Variants in UIMC1 observed in about 807,000 individuals in gnomAD.
UIMC1 encodes the protein BRCA1-A complex subunit RAP80.
UIMC1 carries 42 observed loss-of-function variants against 84.9 expected under a neutral mutation model. That is an observed-to-expected ratio of 0.49 (90% confidence interval 0.39 to 0.64). The LOEUF (loss-of-function observed/expected upper bound fraction) is 0.64, where lower values mean the gene tolerates loss of function less well. Among genes scored for constraint, UIMC1 ranks in the 30% least tolerant of loss-of-function variants. The probability of loss-of-function intolerance (pLI) is 0.00; values close to 1 mark genes in which losing one functional copy is unlikely to be tolerated. For synonymous variants in UIMC1, 281 were observed against 293.0 expected, an observed-to-expected ratio of 0.96 and a Z score of 0.42; for missense variants, 825 against 847.6, an observed-to-expected ratio of 0.97 and a Z score of 0.33.
At chr5:176,955,270 CCTAT>C (rs1766451986) in intron 8 of UIMC1, among the ~76,000 whole-genome samples, 1 of 152,092 alleles carries the variant, frequency 6.6e-6, no homozygotes. Flanking sequence ...AAACAAAGTA[CCTAT>C]CTTTTAATTT....
intron 7 of UIMC1, 59 bp from the exon 8 acceptor site, chr5:176,956,094 A>G: frequency 1.3e-6 from 2 of 1,546,192 alleles, no homozygotes; most frequent in Non-Finnish European, 1.8e-6. Context: ...ACATAGAGCC[A>G]AAAGCAATGG....
chr5:176,970,923 G>A, intron 3 of UIMC1, 57 bp from the exon 4 acceptor site: 1 of 1,582,686 alleles, frequency 6.3e-7, no homozygotes, highest in African/African-American at 1.4e-5. Context: ...AATAATCATG[G>A]AGGCAAGAAA....
At chr5:176,949,790 T>C (rs765317348) in intron 9 of UIMC1, among the ~76,000 whole-genome samples, 3 of 152,194 alleles carry the variant, frequency 2.0e-5, no homozygotes, top group Non-Finnish European at 4.4e-5. Context: ...CCGGGCACAG[T>C]GGCTCACGCC....
At chr5:177,011,982 A>G (rs1372233533) in intron 1 of UIMC1, among the ~76,000 whole-genome samples, 3 of 151,942 alleles carry the variant, frequency 2.0e-5, no homozygotes, top group Non-Finnish European at 4.4e-5. Context: ...TTGTATTTTT[A>G]GTAGAGATGG....
In UIMC1 at chr5:176,956,004, C is replaced by CT. The variant is rs1264258397; in HGVS notation, c.1293dup (p.Val432SerfsTer16). 6.2e-7 allele frequency: 1 copy of CT among 1,613,534 alleles called. No homozygotes were observed. The highest frequency in any genetic ancestry group is 1.3e-5 in the African/African-American group (1 of 74,900). Reference sequence around the variant, plus strand: ...TCTGCAGAACTCTCTGGCATAAGGACTAAGCTTCTCTTACTGGTCAAAGCA... The same window carrying CT: ...TCTGCAGAACTCTCTGGCATAAGGACTTAAGCTTCTCTTACTGGTCAAAGCA... On this transcript the variant is annotated frameshift_variant, in exon 8 of 15. Coordinates refer to ENST00000511320, the MANE Select transcript of UIMC1 (RefSeq NM_001199298.2). LOFTEE classifies it high-confidence loss of function.
chr5:176,937,762 C>T (rs1016586246), intron 10 of UIMC1, among the ~76,000 whole-genome samples: 1 of 152,146 alleles, frequency 6.6e-6, no homozygotes, highest in East Asian at 1.9e-4. Context: ...AAACCAAGCA[C>T]GTCTAGGATC....
chr5:176,996,486 CTT>C (rs1329922041), intron 1 of UIMC1, among the ~76,000 whole-genome samples: 1 of 152,184 alleles, frequency 6.6e-6, no homozygotes, highest in Non-Finnish European at 1.5e-5. Context: ...TGACAAATCT[CTT>C]CTCAAGAAAA....
intron 8 of UIMC1, 102 bp downstream of exon 8, chr5:176,955,857 C>G: frequency 9.0e-7 from 1 of 1,108,026 alleles, no homozygotes; most frequent in Non-Finnish European, 1.3e-6. Context: ...CAATTACATA[C>G]AAACCTCCAG....
chr5:176,911,451 A>G (rs1297888934), intron 10 of UIMC1, 62 bp from the exon 11 acceptor site: 2 of 1,219,476 alleles, frequency 1.6e-6, no homozygotes, highest in Admixed American at 3.2e-5. Context: ...TCTGAATATA[A>G]AAGACAAAAT....
At chr5:176,933,153 G>A (rs1390734085) in intron 10 of UIMC1, among the ~76,000 whole-genome samples, 2 of 152,134 alleles carry the variant, frequency 1.3e-5, no homozygotes, top group African/African-American at 4.8e-5. Context: ...AACAAACCCT[G>A]GAAAGCACCT....
intron 2 of UIMC1, among the ~76,000 whole-genome samples, chr5:176,976,932 T>C (rs1770169165): frequency 6.6e-6 from 1 of 152,058 alleles, no homozygotes; most frequent in African/African-American, 2.4e-5. Context: ...TGTTCTAAAA[T>C]TAACTGTGGG....
intron 10 of UIMC1, among the ~76,000 whole-genome samples, chr5:176,921,050 C>T (rs947237962): frequency 6.6e-6 from 1 of 152,118 alleles, no homozygotes; most frequent in Non-Finnish European, 1.5e-5. Context: ...TGGTTTTTGT[C>T]CTTTGTTCTA....
chr5:176,912,524 G>A (rs1760367767), intron 10 of UIMC1, among the ~76,000 whole-genome samples: 1 of 148,736 alleles, frequency 6.7e-6, no homozygotes, highest in Non-Finnish European at 1.5e-5. Context: ...TCAGGCTGGA[G>A]TGCAATGGAG....
chr5:176,986,791 G>C (rs922412106), intron 1 of UIMC1, among the ~76,000 whole-genome samples: 1 of 151,994 alleles, frequency 6.6e-6, no homozygotes, highest in African/African-American at 2.4e-5. Context: ...TTTAATCATT[G>C]AACATTATAC....
chr5:177,009,247 G>A (rs552462520), upstream of UIMC1, among the ~76,000 whole-genome samples: 15 of 151,888 alleles, frequency 9.9e-5, no homozygotes, highest in Non-Finnish European at 2.2e-4. The surrounding 1 kb of genome is among the most constrained non-coding windows in gnomAD (Gnocchi z 4.3). Context: ...GGGCACAAGT[G>A]ATCCTTCCGC....
At chr5:176,997,678 CT>C (rs1561915711) in intron 1 of UIMC1, among the ~76,000 whole-genome samples, 5 of 64,740 alleles carry the variant, frequency 7.7e-5, no homozygotes, top group African/African-American at 5.8e-4. Context: ...GAGCGAGACT[CT>C]GTCTCAAAAA....
intron 11 of UIMC1, 124 bp downstream of exon 11, chr5:176,911,187 A>T: frequency 1.6e-6 from 1 of 628,682 alleles, no homozygotes; most frequent in Non-Finnish European, 2.6e-6. Context: ...AAATTCAGGC[A>T]TCCAAGCAAT....
At chr5:176,994,980 G>A (rs187215210) in intron 1 of UIMC1, among the ~76,000 whole-genome samples, 226 of 152,188 alleles carry the variant, frequency 1.5e-3, no homozygotes, top group African/African-American at 5.3e-3. Flanking sequence ...AGTGTGCTGG[G>A]AGAGTATCTG....
At chr5:177,005,726 A>G (rs536986893) in intron 1 of UIMC1, among the ~76,000 whole-genome samples, 246 of 152,176 alleles carry the variant, frequency 1.6e-3, no homozygotes, top group African/African-American at 5.7e-3. Context: ...CAGGAAAACA[A>G]TAAAGACAGA....
Sources: allele counts gnomAD v4.1 joint callset (sites outside exome capture counted in the v4.1 genomes callset), GRCh38; gene constraint gnomAD v4.1.1; non-coding constraint Gnocchi (gnomAD v3.1); transcripts MANE v1.5; gene names NCBI Gene and HGNC (gene_info 2026-07-23, HGNC 2026-07-21).